The following PLEKHA5 variants were observed in gnomAD, a reference collection of about 807,000 sequenced individuals.
The protein encoded by PLEKHA5 is pleckstrin homology domain-containing family A member 5.
A neutral mutation model predicts 181.9 loss-of-function variants in PLEKHA5; 55 were observed. The observed-to-expected ratio is 0.30, with a 90% CI of 0.24 to 0.38. The LOEUF is 0.38. Ranked by LOEUF, PLEKHA5 falls within the 10% of genes least tolerant of loss-of-function variation. The pLI is 1.00. For missense variants in PLEKHA5, 1,432 were observed against 1,549.5 expected (o/e 0.92, Z 1.27); for synonymous variants, 535 against 529.4 (o/e 1.01, Z -0.15).
chr12:19,334,829 A>AAAAATATATATAT, intron 20 of PLEKHA5, among the ~76,000 whole-genome samples: 3 of 18,606 alleles, frequency 1.6e-4, no homozygotes, highest in African/African-American at 3.6e-4. Context: ...AAAAAAAAAA[A>AAAAATATATATAT]ATATATATAT....
At chr12:19,257,050 A>T (rs1270160839) in intron 5 of PLEKHA5, among the ~76,000 whole-genome samples, 2 of 152,170 alleles carry the variant, frequency 1.3e-5, no homozygotes, top group African/African-American at 4.8e-5. Flanking sequence ...TATTAAATGC[A>T]GATATAAAGG....
chr12:19,157,120 A>ACACACACACAC (rs2041950690), intron 3 of PLEKHA5, among the ~76,000 whole-genome samples: 1 of 151,072 alleles, frequency 6.6e-6, no homozygotes, highest in Non-Finnish European at 1.5e-5. Context: ...ACACACACAC[A>ACACACACACAC]CACACACGGA....
intron 3 of PLEKHA5, chr12:19,151,171 C>G (rs1403603301): frequency 6.6e-6 from 1 of 152,198 alleles, no homozygotes; most frequent in East Asian, 1.9e-4. Context: ...TGCAGTAGGA[C>G]AGCTGATGGG....
intron 15 of PLEKHA5, among the ~76,000 whole-genome samples, chr12:19,300,186 T>A (rs2081079152): frequency 6.6e-6 from 1 of 152,254 alleles, no homozygotes; most frequent in Admixed American, 6.5e-5. Context: ...CCCAAAATCA[T>A]AAGCTAGAGT....
intron 3 of PLEKHA5, among the ~76,000 whole-genome samples, chr12:19,167,423 T>A (rs1186735496): frequency 7.0e-6 from 1 of 143,500 alleles, no homozygotes; most frequent in Non-Finnish European, 1.5e-5. Flanking sequence ...TTTTTTTTTT[T>A]TTTTTTTTTT....
intron 3 of PLEKHA5, among the ~76,000 whole-genome samples, chr12:19,194,939 G>T (rs1438357547): frequency 6.6e-6 from 1 of 152,152 alleles, no homozygotes; most frequent in East Asian, 1.9e-4. Flanking sequence ...TATAGGTAAA[G>T]CTGTTTTCTT....
At chr12:19,210,281 C>A (rs1441604883) in intron 3 of PLEKHA5, among the ~76,000 whole-genome samples, 1 of 152,152 alleles carries the variant, frequency 6.6e-6, no homozygotes. Flanking sequence ...TAAAATGTTA[C>A]AAATATTCAG....
intron 11 of PLEKHA5, among the ~76,000 whole-genome samples, chr12:19,281,805 G>A (rs183435062): frequency 1.2e-3 from 176 of 150,878 alleles, no homozygotes; most frequent in African/African-American, 4.2e-3. Context: ...GTTTTGAGAT[G>A]GAGTCTCACT....
chr12:19,218,667 A>AT (rs1188557939), intron 3 of PLEKHA5, among the ~76,000 whole-genome samples: 1 of 152,026 alleles, frequency 6.6e-6, no homozygotes, highest in East Asian at 1.9e-4. Context: ...TGTATGATTG[A>AT]TTTTTCTCCA....
chr12:19,283,710 A>G lies in PLEKHA5; in HGVS notation c.1744A>G (p.Thr582Ala). The G allele has an allele frequency of 6.2e-7, 1 of 1,613,926 alleles. No individual in the cohort carries two copies. ...VSSPIQRGDV[T>A]IDRRHRAHHP... ...TTCACCAATTCAGAGAGGAGATGTG[A>G]CAATAGACCGCAGACACAGGGCCCA... Residue 582 changes from threonine to alanine, a missense_variant, in exon 12 of 32, where the codon ACA becomes GCA. By Grantham distance (58) the Thr-to-Ala change is moderately conservative. Coordinates refer to ENST00000429027, the MANE Select transcript of PLEKHA5 (RefSeq NM_001256470.2).
Position 19,311,280 on chromosome 12 carries a change from T to A in PLEKHA5, c.2038-3534T>A, listed in dbSNP as rs1343600382. ...GTCTCTGCAAAAAAAAAAAAAAAAA[T>A]TTTTAATCAGCCAGGATTAAAAATG... On this transcript the variant is annotated intron_variant, in intron 15 of 31. Transcript: ENST00000429027. Among the ~76,000 whole-genome samples the A allele has an allele frequency of 1.2e-3, 169 of 142,314 alleles. 1 individual carries two copies. Among genetic ancestry groups the A allele is most frequent in the Middle Eastern group, 3.7e-3 (1 of 270 alleles). 93.4% of individuals were successfully genotyped at this position (142,314 alleles called of 152,430 possible).
At chr12:19,340,925 A>C (rs1229613677) in intron 21 of PLEKHA5, among the ~76,000 whole-genome samples, 1 of 145,262 alleles carries the variant, frequency 6.9e-6, no homozygotes, top group Non-Finnish European at 1.5e-5. Flanking sequence ...CCTCTGCGAG[A>C]AACACCCAAG....
intron 3 of PLEKHA5, among the ~76,000 whole-genome samples, chr12:19,223,303 T>C (rs2059252109): frequency 6.6e-6 from 1 of 152,192 alleles, no homozygotes; most frequent in African/African-American, 2.4e-5. Context: ...AAGAAGCCTC[T>C]TAATTTCAGC....
chr12:19,234,478 G>A (rs944321128), intron 3 of PLEKHA5, among the ~76,000 whole-genome samples: 4 of 152,150 alleles, frequency 2.6e-5, no homozygotes, highest in Non-Finnish European at 5.9e-5. Flanking sequence ...GCTGTGCAGG[G>A]TGCTGGTAAC....
At chr12:19,200,092 A>G (rs578140186) in intron 3 of PLEKHA5, among the ~76,000 whole-genome samples, 8 of 152,186 alleles carry the variant, frequency 5.3e-5, no homozygotes, top group African/African-American at 1.4e-4. Flanking sequence ...GTTAACAGCA[A>G]TGTATTAAAT....
intron 21 of PLEKHA5, among the ~76,000 whole-genome samples, chr12:19,338,403 T>C (rs1470691570): frequency 6.6e-6 from 1 of 151,686 alleles, no homozygotes; most frequent in Non-Finnish European, 1.5e-5. Context: ...GAGGATCACT[T>C]GAGGCCAGAA....
At chr12:19,180,946 T>C (rs996493480) in intron 3 of PLEKHA5, among the ~76,000 whole-genome samples, 2 of 151,630 alleles carry the variant, frequency 1.3e-5, no homozygotes, top group African/African-American at 4.8e-5. Flanking sequence ...TGGGGATCTG[T>C]TTTTAAAGAA....
chr12:19,231,074 T>A (rs2152382107), intron 3 of PLEKHA5, among the ~76,000 whole-genome samples: 1 of 152,270 alleles, frequency 6.6e-6, no homozygotes, highest in South Asian at 2.1e-4. Context: ...TTTTAAAACA[T>A]GGGTATTTTC....
At chr12:19,349,197 G>A (rs2094473269) in intron 25 of PLEKHA5, among the ~76,000 whole-genome samples, 1 of 151,650 alleles carries the variant, frequency 6.6e-6, no homozygotes, top group South Asian at 2.1e-4. Context: ...GCTCACTGTA[G>A]CCTCGACCTC....
Sources: gnomAD v4.1 joint callset for allele counts (sites outside exome capture counted in the v4.1 genomes callset) on GRCh38, gnomAD v4.1.1 for gene constraint, MANE v1.5 for transcripts, NCBI Gene and HGNC (gene_info 2026-07-23, HGNC 2026-07-21) for gene names.